CEP162: variants seen among roughly 807,000 people sequenced by gnomAD.
CEP162 encodes the protein centrosomal protein 162.
In CEP162, 141 loss-of-function variants were observed where a neutral mutation model predicts 169.2. The observed-to-expected ratio is 0.83, with a 90% CI of 0.73 to 0.96. CEP162 has a LOEUF of 0.96. Among genes scored for constraint, CEP162 ranks in the 40% least tolerant of loss-of-function variants. The pLI is 0.00. For missense variants in CEP162, 1,600 were observed against 1,587.2 expected, an observed-to-expected ratio of 1.01 and a Z score of -0.14; for synonymous variants, 540 against 526.4, an observed-to-expected ratio of 1.03 and a Z score of -0.35.
rs969238473 is a variant in CEP162, at chr6:84,212,898, T to C, written c.571+59A>G. On this transcript the variant is annotated intron_variant, in intron 6 of 26. Transcript: ENST00000403245. Reference sequence around the variant, plus strand: ...TTTAATTATTTTTCTTATTAATGTCTTTATTAAAAGCTATATTATCTTTTC... The same window carrying C: ...TTTAATTATTTTTCTTATTAATGTCCTTATTAAAAGCTATATTATCTTTTC... 5 of 1,029,464 alleles carry C rather than the reference T, an allele frequency of 4.9e-6. No homozygotes were observed. The Admixed American group carries it at 1.1e-4, about 23-fold the overall frequency. 63.8% of individuals were successfully genotyped at this position (1,029,464 alleles called of 1,614,324 possible).
At chr6:84,135,003 A>G (rs1409701715) in intron 25 of CEP162, among the ~76,000 whole-genome samples, 1 of 152,122 alleles carries the variant, frequency 6.6e-6, no homozygotes, top group East Asian at 1.9e-4. Context: ...ATGCATGCAT[A>G]CATACATACA....
intron 21 of CEP162, 44 bp downstream of exon 21, chr6:84,160,768 C>CTA: frequency 8.2e-7 from 1 of 1,212,132 alleles, no homozygotes; most frequent in Non-Finnish European, 1.2e-6. Context: ...CCAAAATGCA[C>CTA]TATATATAAA....
intron 9 of CEP162, 132 bp downstream of exon 9, chr6:84,200,657 G>T (rs961967387): frequency 3.0e-5 from 13 of 431,054 alleles, no homozygotes; most frequent in African/African-American, 2.0e-4. Context: ...TATTATTATG[G>T]TAGAAAAATG....
At chr6:84,149,971 C>T (rs889578492) in intron 23 of CEP162, among the ~76,000 whole-genome samples, 2 of 152,126 alleles carry the variant, frequency 1.3e-5, no homozygotes, top group South Asian at 2.1e-4. Context: ...TGAGGCTACA[C>T]TTTCTGAGGG....
intron 5 of CEP162, among the ~76,000 whole-genome samples, chr6:84,214,740 G>A (rs910424320): frequency 2.6e-5 from 4 of 152,060 alleles, no homozygotes; most frequent in Admixed American, 1.3e-4. Flanking sequence ...AACTAAATAA[G>A]GGCATTAAAG....
intron 26 of CEP162, among the ~76,000 whole-genome samples, chr6:84,125,963 AATTT>A (rs2099508781): frequency 2.0e-5 from 3 of 152,284 alleles, no homozygotes; most frequent in Middle Eastern, 3.4e-3. Flanking sequence ...AACTTCTATT[AATTT>A]ATCTGTTTAT....
At chr6:84,192,538 T>C (rs1163440327) in intron 11 of CEP162, among the ~76,000 whole-genome samples, 1 of 152,238 alleles carries the variant, frequency 6.6e-6, no homozygotes, top group East Asian at 1.9e-4. Flanking sequence ...GAAGGTTCAC[T>C]GCATCATTTT....
intron 6 of CEP162, among the ~76,000 whole-genome samples, chr6:84,206,424 C>T (rs1280057998): frequency 6.6e-6 from 1 of 152,094 alleles, no homozygotes; most frequent in Non-Finnish European, 1.5e-5. Context: ...CACACATCTA[C>T]AACTATCTGA....
At chr6:84,190,554 A>T (rs1209837321) in intron 11 of CEP162, among the ~76,000 whole-genome samples, 1 of 151,976 alleles carries the variant, frequency 6.6e-6, no homozygotes, top group Admixed American at 6.6e-5. Context: ...GCCCAGCGAG[A>T]CCACGAGCCC....
intron 22 of CEP162, among the ~76,000 whole-genome samples, chr6:84,154,972 T>C (rs190167995): frequency 1.8e-4 from 28 of 152,248 alleles, no homozygotes; most frequent in Admixed American, 8.5e-4. Context: ...TTTTCAAACA[T>C]GGTAATTTCT....
At chr6:84,141,344 A>G (rs1447937390) in intron 25 of CEP162, among the ~76,000 whole-genome samples, 3 of 152,212 alleles carry the variant, frequency 2.0e-5, no homozygotes, top group Non-Finnish European at 4.4e-5. Flanking sequence ...AGGGCATAAA[A>G]GAGTGTCAAG....
chr6:84,165,187 T>C (rs903246591), intron 18 of CEP162, among the ~76,000 whole-genome samples: 2 of 151,778 alleles, frequency 1.3e-5, no homozygotes, highest in African/African-American at 4.8e-5. Context: ...TTATCTAAAA[T>C]AGCAAGCCCC....
chr6:84,165,559 C>A (rs2099527497), intron 18 of CEP162, among the ~76,000 whole-genome samples: 2 of 151,976 alleles, frequency 1.3e-5, no homozygotes. Flanking sequence ...GTATAGGTAA[C>A]CTCTTCTCTT....
chr6:84,216,397 G>A (rs1478953619), intron 3 of CEP162, among the ~76,000 whole-genome samples: 1 of 152,112 alleles, frequency 6.6e-6, no homozygotes, highest in Non-Finnish European at 1.5e-5. Flanking sequence ...CTTCGTTAGT[G>A]TAAATATCAT....
At chr6:84,217,043 G>T (rs1188065731) in intron 3 of CEP162, among the ~76,000 whole-genome samples, 2 of 152,072 alleles carry the variant, frequency 1.3e-5, no homozygotes, top group Non-Finnish European at 2.9e-5. Context: ...CATTGTTAGT[G>T]CCAGCTATAC....
intron 20 of CEP162, 123 bp from the exon 21 acceptor site, chr6:84,161,039 A>C (rs1020644199): frequency 3.7e-5 from 25 of 674,096 alleles, no homozygotes; most frequent in Non-Finnish European, 6.4e-5. Context: ...TTGGGGAATT[A>C]ATTCCTCAAA....
rs9449840 is a variant in CEP162 at position 84,215,918 on chromosome 6, A to C, written c.177T>G (p.Leu59=). Residue 59 remains leucine, a synonymous_variant, in exon 4 of 27, where the codon CTT becomes CTG. Coordinates refer to ENST00000403245, the MANE Select transcript of CEP162 (RefSeq NM_014895.4). ...ITEDDFKDDG[L]LGTNVSYLKT... ...TCAAATAGCTCACATTTGTTCCAAG[A>C]AGTCCTAGGTACACAATTTAATACA... 0.013 allele frequency: 21,090 copies of C among 1,562,722 alleles called. 2,343 individuals carry two copies. In the African/African-American group the frequency reaches 0.24, roughly 18 times the overall value.
At position 84,215,375 on chromosome 6, in the gene CEP162, C is replaced by T. The variant is rs2099551151; in HGVS notation, c.410G>A (p.Arg137Lys). 1 of 1,607,866 alleles carries T rather than the reference C, an allele frequency of 6.2e-7. No individual in the cohort carries two copies. Among genetic ancestry groups the T allele is most frequent in the African/African-American group, 1.3e-5 (1 of 74,890 alleles). Residue 137 changes from arginine to lysine, a missense_variant, in exon 5 of 27, where the codon AGG becomes AAG. Arg to Lys is a conservative substitution (Grantham distance 26). Coordinates refer to ENST00000403245, the MANE Select transcript of CEP162 (RefSeq NM_014895.4). The part of the protein sequence containing the change: ...EQEEKEQFFA[R>K]LEKGLTSSID... ...GGAAGATGTCAAGCCTTTCTCAAGC[C>T]TGGCAAAAAATTGTTCTTTCTCCTC... is the stretch of plus-strand genomic sequence containing the variant.
At chr6:84,189,305 G>A (rs1039224718) in intron 11 of CEP162, among the ~76,000 whole-genome samples, 1 of 152,160 alleles carries the variant, frequency 6.6e-6, no homozygotes, top group Non-Finnish European at 1.5e-5. Flanking sequence ...CTGCACTGTG[G>A]GAGCCCCTTT....
Sources: allele counts gnomAD v4.1 joint callset (sites outside exome capture counted in the v4.1 genomes callset), GRCh38; gene constraint gnomAD v4.1.1; transcripts MANE v1.5; gene names NCBI Gene and HGNC (gene_info 2026-07-23, HGNC 2026-07-21).